Variants in TOP1 observed in about 807,000 individuals in gnomAD.
The protein encoded by TOP1 is DNA topoisomerase I, also known as DNA topoisomerase 1.
A neutral mutation model predicts 111.1 loss-of-function variants in TOP1; 10 were observed. The ratio of observed to expected loss-of-function variants is 0.09; its 90% CI spans 0.06 to 0.15. TOP1 has a LOEUF of 0.15. Ranked by LOEUF, TOP1 falls within the 10% of genes least tolerant of loss-of-function variation. The pLI is 1.00. For synonymous variants in TOP1, 271 were observed against 302.9 expected (o/e 0.89, Z 1.10); for missense variants, 474 against 926.7 (o/e 0.51, Z 6.34).
intron 2 of TOP1, among the ~76,000 whole-genome samples, chr20:41,045,569 G>A (rs549450722): frequency 4.6e-5 from 7 of 152,242 alleles, no homozygotes; most frequent in East Asian, 1.9e-4. Flanking sequence ...TGTCTGTTGC[G>A]TAGTTGACAA....
At chr20:41,057,701 G>A (rs1179049482) in intron 2 of TOP1, among the ~76,000 whole-genome samples, 1 of 152,044 alleles carries the variant, frequency 6.6e-6, no homozygotes, top group South Asian at 2.1e-4. Flanking sequence ...TTCTTCATAT[G>A]TATTTATGCG....
intron 6 of TOP1, 55 bp from the exon 7 acceptor site, chr20:41,081,110 T>TGA: frequency 6.5e-7 from 1 of 1,530,898 alleles, no homozygotes; most frequent in Non-Finnish European, 8.8e-7. Context: ...CTCCTATGAG[T>TGA]GAGAACTCCT....
At chr20:41,068,548 G>A in intron 3 of TOP1, among the ~76,000 whole-genome samples, 1 of 152,106 alleles carries the variant, frequency 6.6e-6, no homozygotes, top group South Asian at 2.1e-4. Context: ...CAATAGGCAT[G>A]CACCACCATG....
At chr20:41,044,369 C>A (rs541212300) in intron 2 of TOP1, among the ~76,000 whole-genome samples, 1 of 152,336 alleles carries the variant, frequency 6.6e-6, no homozygotes, top group South Asian at 2.1e-4. Flanking sequence ...CCAGTGTTGT[C>A]TTCTATTAAG....
Position 41,028,897 on chromosome 20 carries a change from C to T in TOP1, c.-171C>T. ...CCGCCCGGCAGTCAGGCAGCGTCGCCGCCGTGGTAGCAGCCTCAGCCGTTT... is the reference window on the plus strand; with the variant it reads ...CCGCCCGGCAGTCAGGCAGCGTCGCTGCCGTGGTAGCAGCCTCAGCCGTTT... On this transcript the variant is annotated 5_prime_UTR_variant, in exon 1 of 21. Coordinates refer to ENST00000361337, the MANE Select transcript of TOP1 (RefSeq NM_003286.4). 3.5e-6 allele frequency: 2 copies of T among 574,100 alleles called. No individual in the cohort carries two copies. The highest frequency in any genetic ancestry group is 6.1e-6 in the Non-Finnish European group (2 of 329,164). 35.6% of individuals were successfully genotyped at this position (574,100 alleles called of 1,614,324 possible). A position where few individuals can be genotyped will look rare whatever the true frequency, so the allele number is the denominator to read the frequency against.
Position 41,029,631 on chromosome 20 carries a change from C to T in TOP1, c.58+176C>T, listed in dbSNP as rs770398101. ...CCTCTTGACCCCCTTTCCGGGGACCCCAGCTCCTCCAGATCCCGGCCCTCC... is the reference window on the plus strand; with the variant it reads ...CCTCTTGACCCCCTTTCCGGGGACCTCAGCTCCTCCAGATCCCGGCCCTCC... On this transcript the variant is annotated intron_variant, in intron 2 of 20. Coordinates refer to ENST00000361337, the MANE Select transcript of TOP1 (RefSeq NM_003286.4). This position sits in a 1 kb window ranked among gnomAD's most constrained non-coding sequence, Gnocchi z 6.1. The T allele has an allele frequency of 1.2e-5, 8 of 674,818 alleles. No homozygotes were observed. In the South Asian group the frequency reaches 1.3e-4, roughly 11 times the overall value. 41.8% of individuals were successfully genotyped at this position (674,818 alleles called of 1,614,324 possible).
rs565497797 is a variant in TOP1, at chr20:41,122,506, A to C, written c.2195+351A>C. Among the ~76,000 whole-genome samples the C allele has an allele frequency of 2.6e-5, 4 of 152,328 alleles. No homozygotes were observed. The East Asian group carries it at 7.7e-4, about 29-fold the overall frequency. ...CCCATCCATCTCTACACTTCAACAA[A>C]ACTTTTCGTTGAATTTTTTTGCAGT... On this transcript the variant is annotated intron_variant, in intron 20 of 20. Transcript: ENST00000361337. The surrounding 1 kb of genome is among the most constrained non-coding windows in gnomAD (Gnocchi z 5.4).
Position 41,082,930 on chromosome 20 carries a change from A to G in TOP1, c.508-1532A>G, listed in dbSNP as rs1056349463. On this transcript the variant is annotated intron_variant, in intron 7 of 20. Transcript: ENST00000361337. The surrounding 1 kb of genome is among the most constrained non-coding windows in gnomAD (Gnocchi z 4.1). ...AAAAGAACAGTTGACTTCATTTGTT[A>G]TTATTCTATTTAGCAGCCCTACCAC... 3.3e-5 allele frequency among the ~76,000 whole-genome samples: 5 copies of G among 152,008 alleles called. No individual in the cohort carries two copies. The highest frequency in any genetic ancestry group is 7.2e-5 in the African/African-American group (3 of 41,388).
In TOP1 at chr20:41,121,222, T is replaced by C. The variant is rs1162181724; in HGVS notation, c.1951-474T>C. ...AGCTGGCACCGCCTTCCCAGAGTAC[T>C]GGTGGGATCTGAGGAACGAGCTGGG... On this transcript the variant is annotated intron_variant, in intron 18 of 20. Coordinates refer to ENST00000361337, the MANE Select transcript of TOP1 (RefSeq NM_003286.4). The surrounding 1 kb of genome is among the most constrained non-coding windows in gnomAD (Gnocchi z 4.2). Among the ~76,000 whole-genome samples the C allele has an allele frequency of 6.6e-6, 1 of 152,206 alleles. No individual in the cohort carries two copies. The highest frequency in any genetic ancestry group is 2.4e-5 in the African/African-American group (1 of 41,462).
At chr20:41,056,888 G>T (rs2033479488) in intron 2 of TOP1, among the ~76,000 whole-genome samples, 3 of 152,082 alleles carry the variant, frequency 2.0e-5, no homozygotes, top group South Asian at 2.1e-4. Flanking sequence ...AGACATTTTT[G>T]ATTTGCATTT....
intron 2 of TOP1, among the ~76,000 whole-genome samples, chr20:41,042,941 T>C (rs549288945): frequency 6.6e-6 from 1 of 152,360 alleles, no homozygotes; most frequent in African/African-American, 2.4e-5. Context: ...TTCATCCTCA[T>C]TGTCTTGTTG....
At chr20:41,041,545 C>G (rs914307270) in intron 2 of TOP1, among the ~76,000 whole-genome samples, 2 of 152,098 alleles carry the variant, frequency 1.3e-5, no homozygotes, top group Admixed American at 6.5e-5. Context: ...CTTTCTCCCC[C>G]CAGCTGGTTG....
chr20:41,077,724 C>T, intron 5 of TOP1, 87 bp downstream of exon 5: 1 of 1,260,530 alleles, frequency 7.9e-7, no homozygotes, highest in Non-Finnish European at 1.2e-6. Flanking sequence ...TGAGTTAACC[C>T]AAAACCCACT....
rs1010655446 is a variant in TOP1, at chr20:41,067,265, C to T, written c.155+5775C>T. ...CTCCCGAGTAGCTGGGACTTACAGGCGCCTGCCACCACGCCGAGCTAATTT... is the reference window on the plus strand; with the variant it reads ...CTCCCGAGTAGCTGGGACTTACAGGTGCCTGCCACCACGCCGAGCTAATTT... On this transcript the variant is annotated intron_variant, in intron 3 of 20. Coordinates refer to ENST00000361337, the MANE Select transcript of TOP1 (RefSeq NM_003286.4). This position sits in a 1 kb window ranked among gnomAD's most constrained non-coding sequence, Gnocchi z 4.0. Among the ~76,000 whole-genome samples, 2 of 151,826 alleles carry T rather than the reference C, an allele frequency of 1.3e-5. No homozygotes were observed. Among genetic ancestry groups the T allele is most frequent in the African/African-American group, 2.4e-5 (1 of 41,322 alleles).
intron 2 of TOP1, among the ~76,000 whole-genome samples, chr20:41,039,753 A>G (rs2033236831): frequency 6.6e-6 from 1 of 152,108 alleles, no homozygotes; most frequent in Non-Finnish European, 1.5e-5. Context: ...CTAAAAATAC[A>G]AAAAACTAGC....
At chr20:41,077,128 G>A (rs937069247) in intron 4 of TOP1, among the ~76,000 whole-genome samples, 1 of 152,090 alleles carries the variant, frequency 6.6e-6, no homozygotes, top group Non-Finnish European at 1.5e-5. Flanking sequence ...CTGTGTTGGC[G>A]GGGCTAGTCT....
rs758412919 is a variant in TOP1 at position 41,049,599 on chromosome 20, T to A, written c.59-11795T>A. On this transcript the variant is annotated intron_variant, in intron 2 of 20. Transcript: ENST00000361337. ...TGGGCAGTTAGGGGGACCCTTTCCC[T>A]CTCCCTTTTCAAAGTTACTCAGTCA... Among the ~76,000 whole-genome samples, 37 of 152,172 alleles carry A rather than the reference T, an allele frequency of 2.4e-4. 1 individual carries two copies. The highest frequency in any genetic ancestry group is 4.6e-4 in the Admixed American group (7 of 15,274).
rs1175844027 is a variant in TOP1 at position 41,029,035 on chromosome 20, C to T, written c.-33C>T. On this transcript the variant is annotated 5_prime_UTR_variant, in exon 1 of 21. Transcript: ENST00000361337. The surrounding 1 kb of genome is among the most constrained non-coding windows in gnomAD (Gnocchi z 6.1). ...CGTCTGCGTCTCCCCCACGCCGCCT[C>T]GCCTGCCGCCGCGCTCGTCCCTCCG... The T allele has an allele frequency of 1.3e-6, 2 of 1,541,130 alleles. No individual in the cohort carries two copies. The highest frequency in any genetic ancestry group is 1.9e-5 in the Admixed American group (1 of 52,908).
At chr20:41,091,962 T>C (rs1205243125) in intron 8 of TOP1, among the ~76,000 whole-genome samples, 1 of 152,234 alleles carries the variant, frequency 6.6e-6, no homozygotes, top group African/African-American at 2.4e-5. Context: ...TGCTAGATAG[T>C]TCCAGGTAAT....
Sources: allele counts gnomAD v4.1 joint callset (sites outside exome capture counted in the v4.1 genomes callset), GRCh38; gene constraint gnomAD v4.1.1; non-coding constraint Gnocchi (gnomAD v3.1); transcripts MANE v1.5; gene names NCBI Gene and HGNC (gene_info 2026-07-23, HGNC 2026-07-21).